The following AMMECR1 variants were observed in gnomAD, a reference collection of about 807,000 sequenced individuals.
AMMECR1 encodes the protein AMMECR nuclear protein 1.
AMMECR1 carries 3 observed loss-of-function variants against 22.5 expected under a neutral mutation model. That is an observed-to-expected ratio of 0.13 (90% CI 0.06 to 0.35). The LOEUF (loss-of-function observed/expected upper bound fraction) is 0.35, where lower values mean the gene tolerates loss of function less well. AMMECR1 is among the 10% of genes least tolerant of loss of function. The pLI, the probability that AMMECR1 is intolerant of heterozygous loss-of-function variation, is 1.00. For missense variants in AMMECR1, 235 were observed against 278.7 expected, an observed-to-expected ratio of 0.84 and a Z score of 1.12; for synonymous variants, 130 against 116.7, an observed-to-expected ratio of 1.11 and a Z score of -0.74.
chrX:110,354,165 A>G (rs1194398958), intron 2 of AMMECR1, among the ~76,000 whole-genome samples: 1 of 111,654 alleles, frequency 9.0e-6, no homozygotes, highest in African/African-American at 3.3e-5. Context: ...ATAACAACCT[A>G]AAATTCATAT....
At chrX:110,214,607 G>A (rs996573706) in intron 3 of AMMECR1, among the ~76,000 whole-genome samples, 15 of 111,901 alleles carry the variant, frequency 1.3e-4, no homozygotes, top group African/African-American at 4.2e-4. Context: ...TGTACTCGGT[G>A]CTTAACCATG....
At chrX:110,330,999 A>G (rs758660962) in intron 2 of AMMECR1, among the ~76,000 whole-genome samples, 1 of 110,590 alleles carries the variant, frequency 9.0e-6, no homozygotes, top group African/African-American at 3.3e-5. Context: ...GCCCACAAGA[A>G]TGGCCCTATC....
At chrX:110,207,328 C>T (rs1210964815) in intron 3 of AMMECR1, among the ~76,000 whole-genome samples, 6 of 111,571 alleles carry the variant, frequency 5.4e-5, no homozygotes, top group African/African-American at 1.6e-4. Flanking sequence ...TTCCTTCTGC[C>T]CTACTACTCC....
chrX:110,214,299 GAACT>G (rs1399389242), intron 3 of AMMECR1, among the ~76,000 whole-genome samples: 9 of 111,081 alleles, frequency 8.1e-5, no homozygotes, highest in Non-Finnish European at 1.1e-4. Flanking sequence ...CTTCAATAGG[GAACT>G]AATACTTAAT....
intron 2 of AMMECR1, among the ~76,000 whole-genome samples, chrX:110,227,767 G>A (rs1054597995): frequency 2.7e-5 from 3 of 111,565 alleles, no homozygotes; most frequent in Non-Finnish European, 5.6e-5. Context: ...TATGCAAGGC[G>A]GCCTCATGTT....
intron 2 of AMMECR1, among the ~76,000 whole-genome samples, chrX:110,363,830 A>G (rs964891653): frequency 3.6e-5 from 4 of 111,723 alleles, no homozygotes; most frequent in African/African-American, 1.3e-4. Flanking sequence ...AACACTTTAC[A>G]TAAATTATCT....
At chrX:110,276,456 T>C (rs1313579968) in intron 1 of AMMECR1, among the ~76,000 whole-genome samples, 1 of 112,297 alleles carries the variant, frequency 8.9e-6, no homozygotes, top group African/African-American at 3.2e-5. Context: ...ATCATTATAT[T>C]GTTGAGTGTT....
chrX:110,437,820 C>G (rs1358613382), intron 1 of AMMECR1, among the ~76,000 whole-genome samples: 1 of 108,550 alleles, frequency 9.2e-6, no homozygotes, highest in African/African-American at 3.6e-5. Context: ...ATTGTTAGAT[C>G]TGTTTGTTCC....
chrX:110,366,794 C>T (rs1414956010), intron 2 of AMMECR1, among the ~76,000 whole-genome samples: 2 of 112,125 alleles, frequency 1.8e-5, no homozygotes, highest in Admixed American at 1.9e-4. Flanking sequence ...TAACCAGTCT[C>T]GCTTTAGATT....
upstream of AMMECR1, chrX:110,318,183 G>GGCGC (rs1205300777): frequency 1.4e-5 from 9 of 661,924 alleles, no homozygotes; most frequent in Non-Finnish European, 1.5e-5. Flanking sequence ...AGGCTGGCGG[G>GGCGC]GCGCGCGCGC....
intron 2 of AMMECR1, among the ~76,000 whole-genome samples, chrX:110,245,555 CA>C (rs2067654328): frequency 9.0e-6 from 1 of 110,942 alleles, no homozygotes; most frequent in Non-Finnish European, 1.9e-5. Flanking sequence ...TGATAGCAAA[CA>C]AAAGCCCTTA....
intron 1 of AMMECR1, among the ~76,000 whole-genome samples, chrX:110,289,113 T>C (rs2067895243): frequency 8.9e-6 from 1 of 112,033 alleles, no homozygotes; most frequent in South Asian, 3.7e-4. Flanking sequence ...AAACTGTCCA[T>C]GAATCCTTCC....
At chrX:110,225,548 C>T (rs932036132) in intron 2 of AMMECR1, among the ~76,000 whole-genome samples, 4 of 112,346 alleles carry the variant, frequency 3.6e-5, no homozygotes, top group African/African-American at 9.7e-5. Flanking sequence ...TGGAATATCC[C>T]TTATTCAAAA....
chrX:110,313,777 CTT>C (rs919835562), intron 1 of AMMECR1, among the ~76,000 whole-genome samples: 3 of 111,684 alleles, frequency 2.7e-5, no homozygotes, highest in Admixed American at 9.5e-5. Flanking sequence ...ACCTCAGACT[CTT>C]ATACTCTCGG....
At chrX:110,272,968 A>C (rs895188133) in intron 1 of AMMECR1, among the ~76,000 whole-genome samples, 10 of 112,148 alleles carry the variant, frequency 8.9e-5, no homozygotes, top group Admixed American at 1.9e-4. Flanking sequence ...TGCTGCGATG[A>C]ACACATGAGT....
At chrX:110,294,195 A>G (rs1404987846) in intron 1 of AMMECR1, among the ~76,000 whole-genome samples, 1 of 112,265 alleles carries the variant, frequency 8.9e-6, no homozygotes, top group East Asian at 2.8e-4. Context: ...AAAGTATGCT[A>G]TCATAACTAG....
intron 1 of AMMECR1, among the ~76,000 whole-genome samples, chrX:110,271,487 A>G (rs751982482): frequency 5.5e-4 from 62 of 112,216 alleles, no homozygotes; most frequent in Non-Finnish European, 7.3e-4. Flanking sequence ...GCCAAAGCAC[A>G]AGCATACTTT....
intron 2 of AMMECR1, among the ~76,000 whole-genome samples, chrX:110,344,702 C>T (rs2068180864): frequency 9.0e-6 from 1 of 111,585 alleles, no homozygotes; most frequent in African/African-American, 3.3e-5. Context: ...ACAGACACTT[C>T]TCAAAAGAAG....
chrX:110,269,434 G>A (rs1050543125), intron 1 of AMMECR1, among the ~76,000 whole-genome samples: 5 of 108,368 alleles, frequency 4.6e-5, no homozygotes, highest in Non-Finnish European at 9.5e-5. Flanking sequence ...AGATTTATAG[G>A]AGGCAACATT....
Sources: allele counts gnomAD v4.1 joint callset (sites outside exome capture counted in the v4.1 genomes callset), GRCh38; gene constraint gnomAD v4.1.1; transcripts MANE v1.5; gene names NCBI Gene and HGNC (gene_info 2026-07-23, HGNC 2026-07-21).